Variants in PABIR2 observed in about 807,000 individuals in gnomAD.
The protein encoded by PABIR2 is family with sequence similarity 122B.
Under a neutral mutation model 22.8 loss-of-function variants are expected in PABIR2, and 7 were observed. That is an observed-to-expected ratio of 0.31 (90% CI 0.17 to 0.58). The LOEUF is 0.58. PABIR2 is among the 20% of genes least tolerant of loss of function. The pLI, the probability that PABIR2 is intolerant of heterozygous loss-of-function variation, is 0.89. For synonymous variants in PABIR2, 67 were observed against 73.8 expected (o/e 0.91, Z 0.47); for missense variants, 155 against 205.1 (o/e 0.76, Z 1.49).
chrX:134,775,010 C>T (rs2147880503), intron 9 of PABIR2, among the ~76,000 whole-genome samples: 1 of 112,239 alleles, frequency 8.9e-6, no homozygotes, highest in South Asian at 3.6e-4. Flanking sequence ...CTAAAAGCAA[C>T]AAGTTCTGGT....
intron 1 of PABIR2, among the ~76,000 whole-genome samples, chrX:134,794,410 C>T (rs1055011286): frequency 8.1e-5 from 9 of 111,619 alleles, no homozygotes; most frequent in African/African-American, 1.6e-4. Context: ...ATTGTTGCCC[C>T]TTCTGCCTCA....
chrX:134,793,840 G>A lies in PABIR2; in HGVS notation c.152C>T (p.Thr51Ile). 1 of 1,210,758 alleles carries A rather than the reference G, an allele frequency of 8.3e-7. No homozygotes were observed. The change falls in exon 2 of 10, where the codon ACA becomes ATA. Residue 51 changes from threonine to isoleucine, a missense_variant. Thr to Ile is a moderately conservative substitution (Grantham distance 89). Coordinates refer to ENST00000343004, the MANE Select transcript of PABIR2 (RefSeq NM_001387468.1). Reference protein sequence around the residue: ...PYTLRTRRNSTTIMSRHSLLL... With the variant: ...PYTLRTRRNSITIMSRHSLLL... ...CAGGCTGTGACGGCTCATAATTGTT[G>A]TACTATTCCTCCGAGTTCTAAGTGT...
chrX:134,771,515 C>T lies in PABIR2; in HGVS notation c.*624G>A. ...CACTAAAATCAATGCTCACTTCACA[C>T]ACCCCAACAGCAAAGAAGCAATAAG... is the stretch of plus-strand genomic sequence containing the variant. On this transcript the variant is annotated 3_prime_UTR_variant, in exon 10 of 10. Transcript: ENST00000343004. The T allele has an allele frequency of 9.8e-7, 1 of 1,017,494 alleles. No homozygotes were observed. 83.9% of individuals were successfully genotyped at this position (1,017,494 alleles called of 1,213,427 possible). A position where few individuals can be genotyped will look rare whatever the true frequency, so the allele number is the denominator to read the frequency against.
chrX:134,793,668 G>T, intron 2 of PABIR2, 147 bp downstream of exon 2: 2 of 738,450 alleles, frequency 2.7e-6, no homozygotes, highest in Non-Finnish European at 4.1e-6. Flanking sequence ...AAGCTGAATG[G>T]CCACAGCATA....
intron 9 of PABIR2, among the ~76,000 whole-genome samples, chrX:134,779,533 A>G (rs1364214048): frequency 8.9e-6 from 1 of 112,215 alleles, no homozygotes; most frequent in African/African-American, 3.2e-5. Flanking sequence ...TGACAAGGAA[A>G]TAGAAGCCTC....
chrX:134,790,765 G>C (rs943843604), intron 2 of PABIR2, among the ~76,000 whole-genome samples: 1 of 111,979 alleles, frequency 8.9e-6, no homozygotes, highest in African/African-American at 3.2e-5. Context: ...GTAGAGACGG[G>C]GTTTCATCAT....
At chrX:134,775,981 T>C (rs1300839980) in intron 9 of PABIR2, among the ~76,000 whole-genome samples, 3 of 111,977 alleles carry the variant, frequency 2.7e-5, no homozygotes, top group East Asian at 2.8e-4. Flanking sequence ...AGGAGTGTTT[T>C]TGTTGTTTTT....
At position 134,777,347 on chromosome X, in the gene PABIR2, C is replaced by T. The variant is rs758847475; in HGVS notation, c.659+4474G>A. On this transcript the variant is annotated intron_variant, in intron 9 of 9. Coordinates refer to ENST00000343004, the MANE Select transcript of PABIR2 (RefSeq NM_001387468.1). ...TTCAAGACCGGCCTGGGCAACATGG[C>T]GAAACCCGGTCTCTACAAAAACAGA... 2.7e-5 allele frequency among the ~76,000 whole-genome samples: 3 copies of T among 110,467 alleles called. No individual in the cohort carries two copies. The Admixed American group carries it at 2.9e-4, about 11-fold the overall frequency.
intron 9 of PABIR2, 71 bp from the exon 10 acceptor site, chrX:134,772,354 T>A: frequency 1.0e-6 from 1 of 995,319 alleles, no homozygotes. Context: ...AATGACACAG[T>A]TTCAAGAGCT....
At chrX:134,788,455 ATGTTATATATG>A (rs2079430246) in intron 6 of PABIR2, among the ~76,000 whole-genome samples, 1 of 105,951 alleles carries the variant, frequency 9.4e-6, no homozygotes, top group Non-Finnish European at 1.9e-5. Context: ...TGTGTTATAT[ATGTTATATATG>A]TGTTATATAT....
rs866570700 is a variant in PABIR2 at position 134,781,422 on chromosome X, T to A, written c.659+399A>T. On this transcript the variant is annotated intron_variant, in intron 9 of 9. Transcript: ENST00000343004. Reference sequence around the variant, plus strand: ...CTTCAGACTTGAGGTGATGAAAAAATTTTAAAACTTAAAAGAAGAGAAGCT... The same window carrying A: ...CTTCAGACTTGAGGTGATGAAAAAAATTTAAAACTTAAAAGAAGAGAAGCT... Among the ~76,000 whole-genome samples, 3 of 111,950 alleles carry A rather than the reference T, an allele frequency of 2.7e-5. 1 individual carries two copies. In the Middle Eastern group the frequency reaches 0.013, roughly 470 times the overall value.
intron 9 of PABIR2, among the ~76,000 whole-genome samples, chrX:134,776,039 A>G (rs1171471157): frequency 1.8e-5 from 2 of 111,855 alleles, no homozygotes; most frequent in African/African-American, 6.5e-5. Context: ...CAGGAGTTTT[A>G]AACTATCAGC....
rs1472313642 is a variant in PABIR2, at chrX:134,771,599, A to G, written c.*540T>C. 5.6e-6 allele frequency: 5 copies of G among 898,085 alleles called. No homozygotes were observed. The highest frequency in any genetic ancestry group is 1.2e-4 in the Admixed American group (2 of 16,144). 74.0% of individuals were successfully genotyped at this position (898,085 alleles called of 1,213,427 possible). On this transcript the variant is annotated 3_prime_UTR_variant, in exon 10 of 10. Coordinates refer to ENST00000343004, the MANE Select transcript of PABIR2 (RefSeq NM_001387468.1). ...TGTGAGAAATGGCATAAGCGGCTCA[A>G]ACAGGAAAGGGAAACAAAATAATGT...
At chrX:134,787,606 C>CTTT in intron 6 of PABIR2, 73 bp from the exon 7 acceptor site, 1 of 298,845 alleles carries the variant, frequency 3.3e-6, no homozygotes. Context: ...CTCCAGTTTT[C>CTTT]TTTCTTTTTT....
chrX:134,783,894 G>A (rs896349941), intron 8 of PABIR2, among the ~76,000 whole-genome samples: 2 of 108,657 alleles, frequency 1.8e-5, no homozygotes, highest in African/African-American at 6.7e-5. Flanking sequence ...CCAACATGGC[G>A]AAACCCTGTC....
At chrX:134,793,929 A>T in intron 1 of PABIR2, 36 bp from the exon 2 acceptor site, 3 of 1,187,671 alleles carry the variant, frequency 2.5e-6, no homozygotes, top group Non-Finnish European at 3.4e-6. Flanking sequence ...AAAAAAAACA[A>T]AATTAGTAAT....
chrX:134,796,466 A>G lies in PABIR2; in HGVS notation c.-261T>C. The stretch of plus-strand genomic sequence containing the variant: ...CGAAGAGGTAGTGGTGGAAGGTGAC[A>G]GAATGAAGGAAAAGGATGAAGGAAA... On this transcript the variant is annotated 5_prime_UTR_variant, in exon 1 of 10. Coordinates refer to ENST00000343004, the MANE Select transcript of PABIR2 (RefSeq NM_001387468.1). 1 of 336,393 alleles carries G rather than the reference A, an allele frequency of 3.0e-6. No homozygotes were observed. Among genetic ancestry groups the G allele is most frequent in the East Asian group, 4.8e-5 (1 of 20,764 alleles). 27.7% of individuals were successfully genotyped at this position (336,393 alleles called of 1,213,427 possible). A position where few individuals can be genotyped will look rare whatever the true frequency, so the allele number is the denominator to read the frequency against.
intron 9 of PABIR2, among the ~76,000 whole-genome samples, chrX:134,775,345 C>T (rs1268002245): frequency 2.8e-5 from 3 of 108,871 alleles, no homozygotes; most frequent in Non-Finnish European, 3.8e-5. Flanking sequence ...GGCGAAACCC[C>T]GTCTCTACTA....
intron 9 of PABIR2, among the ~76,000 whole-genome samples, chrX:134,780,350 C>A (rs1415657828): frequency 8.9e-6 from 1 of 111,841 alleles, no homozygotes; most frequent in Non-Finnish European, 1.9e-5. Context: ...CCGAGGTGGG[C>A]GGATCACCTG....
Sources: gnomAD v4.1 joint callset for allele counts (sites outside exome capture counted in the v4.1 genomes callset) on GRCh38, gnomAD v4.1.1 for gene constraint, MANE v1.5 for transcripts, NCBI Gene and HGNC (gene_info 2026-07-23, HGNC 2026-07-21) for gene names.